The following CACNB3 variants were observed in gnomAD, a reference collection of about 807,000 sequenced individuals.
CACNB3 encodes the protein calcium voltage-gated channel auxiliary subunit beta 3, also known as voltage-dependent L-type calcium channel subunit beta-3.
In CACNB3, 36 loss-of-function variants were observed where a neutral mutation model predicts 63.7. The ratio of observed to expected loss-of-function variants is 0.57; its 90% CI spans 0.43 to 0.75. The LOEUF (loss-of-function observed/expected upper bound fraction) is 0.75. CACNB3 is among the 30% of genes least tolerant of loss of function. CACNB3 has a pLI of 0.00. For missense variants in CACNB3, 493 were observed against 648.6 expected (o/e 0.76, Z 2.61); for synonymous variants, 241 against 250.6 (o/e 0.96, Z 0.36).
In CACNB3 at chr12:48,827,845, C is replaced by A. The variant is rs761878644; in HGVS notation, c.1401C>A (p.Asn467Lys). Residue 467 changes from asparagine (N) to lysine (K), a missense_variant, in exon 13 of 13, where the codon AAC becomes AAA. By Grantham distance (94) the Asn-to-Lys change is moderately conservative. Transcript: ENST00000301050. ...TTCTAGCCCAGGACTCAGAGCACAA[C>A]CACAGTGACCGGAACTGGCAGCGCA... The part of the protein sequence containing the change: ...DRLLAQDSEH[N>K]HSDRNWQRNR... 1.4e-5 allele frequency: 22 copies of A among 1,614,012 alleles called. No individual in the cohort carries two copies. Among genetic ancestry groups the A allele is most frequent in the Non-Finnish European group, 1.7e-5 (20 of 1,180,012 alleles).
At chr12:48,824,447 A>G in intron 4 of CACNB3, 74 bp downstream of exon 4, 1 of 1,326,938 alleles carries the variant, frequency 7.5e-7, no homozygotes, top group Non-Finnish European at 1.0e-6. Flanking sequence ...GTCACCATGC[A>G]TGCCATACAC....
rs771892917 is a variant in CACNB3, at chr12:48,824,819, GGGAA to G, written c.472+89_472+92del. ...GGGATCCTGCCCAAGTGAACTGTGT[GGGAA>G]GGGTTTGTGGAGGGATTGGAAGGGG... is the stretch of plus-strand genomic sequence containing the variant. On this transcript the variant is annotated intron_variant, in intron 5 of 12. Transcript: ENST00000301050. 1.0e-4 allele frequency: 161 copies of G among 1,541,724 alleles called. 1 individual carries two copies. Among genetic ancestry groups the G allele is most frequent in the Non-Finnish European group, 1.4e-4 (151 of 1,115,140 alleles).
chr12:48,822,042 T>G (rs2137450876), intron 1 of CACNB3, among the ~76,000 whole-genome samples: 1 of 152,294 alleles, frequency 6.6e-6, no homozygotes, highest in African/African-American at 2.4e-5. Flanking sequence ...TGGCCTCTGC[T>G]GCCTTCCGTA....
At chr12:48,814,700 C>T, upstream of CACNB3, 8 of 877,710 alleles carry the variant, frequency 9.1e-6, no homozygotes, top group East Asian at 3.0e-5. This position sits in a 1 kb window ranked among gnomAD's most constrained non-coding sequence, Gnocchi z 6.9. Flanking sequence ...GAGAGGGGTT[C>T]GTCCTGGGCT....
At position 48,818,632 on chromosome 12, in the gene CACNB3, G is replaced by C; in HGVS notation, c.-298G>C. On this transcript the variant is annotated 5_prime_UTR_variant, in exon 1 of 13. Coordinates refer to ENST00000301050, the MANE Select transcript of CACNB3 (RefSeq NM_000725.4). The surrounding 1 kb of genome is among the most constrained non-coding windows in gnomAD (Gnocchi z 4.3). ...CCCCTCGCCGCCCCCGCCTTCTCCC[G>C]GGGAGGGGGTCAGGTGGGCGGGCAC... The C allele has an allele frequency of 1.8e-6, 2 of 1,121,598 alleles. No individual in the cohort carries two copies. Among genetic ancestry groups the C allele is most frequent in the Non-Finnish European group, 2.2e-6 (2 of 918,108 alleles). The allele number at this position is 1,121,598 out of a possible 1,614,324, so 69.5% of individuals were successfully genotyped here. A position where few individuals can be genotyped will look rare whatever the true frequency, so the allele number is the denominator to read the frequency against.
intron 1 of CACNB3, chr12:48,819,743 G>A (rs1053196122): frequency 2.5e-5 from 11 of 437,484 alleles, no homozygotes; most frequent in African/African-American, 2.0e-4. Context: ...GAGAGGAAGC[G>A]CTTTGCTCAG....
Position 48,823,992 on chromosome 12 carries a change from C to A in CACNB3, c.291+189C>A. The A allele has an allele frequency of 1.3e-6, 1 of 768,798 alleles. No homozygotes were observed. Among genetic ancestry groups the A allele is most frequent in the Non-Finnish European group, 2.1e-6 (1 of 486,312 alleles). The allele number at this position is 768,798 out of a possible 1,614,324, so 47.6% of individuals were successfully genotyped here. On this transcript the variant is annotated intron_variant, in intron 3 of 12. Transcript: ENST00000301050. The surrounding 1 kb of genome is among the most constrained non-coding windows in gnomAD (Gnocchi z 4.2). ...GGGTCTCCATCCTTCTGAGACCTGG[C>A]TTGGGCATCAGTCTCCATGTCTGTC...
chr12:48,815,228 G>A (rs1459214689), upstream of CACNB3: 1 of 189,704 alleles, frequency 5.3e-6, no homozygotes, highest in East Asian at 1.4e-4. Context: ...TCAGGAGCTG[G>A]GGCAGCCCTG....
Position 48,818,764 on chromosome 12 carries a change from TG to T in CACNB3, c.-164del. The T allele has an allele frequency of 7.5e-7, 1 of 1,342,058 alleles. No homozygotes were observed. Among genetic ancestry groups the T allele is most frequent in the South Asian group, 1.9e-5 (1 of 52,554 alleles). The allele number at this position is 1,342,058 out of a possible 1,614,324, so 83.1% of individuals were successfully genotyped here. A position where few individuals can be genotyped will look rare whatever the true frequency, so the allele number is the denominator to read the frequency against. On this transcript the variant is annotated 5_prime_UTR_variant, in exon 1 of 13. Coordinates refer to ENST00000301050, the MANE Select transcript of CACNB3 (RefSeq NM_000725.4). This position sits in a 1 kb window ranked among gnomAD's most constrained non-coding sequence, Gnocchi z 4.3. ...AGCGGTGATCTGAGCTCCGAGCAGC[TG>T]GTCTTCGCGGCTCGCTCCCTCCTTC...
chr12:48,815,950 G>A (rs1942278651), upstream of CACNB3, among the ~76,000 whole-genome samples: 1 of 152,130 alleles, frequency 6.6e-6, no homozygotes, highest in African/African-American at 2.4e-5. Context: ...TTGGATGAGA[G>A]GAGAGGACTG....
chr12:48,814,765 GCCTGCTGGCAGGGCCGGAC>G (rs1942245415), upstream of CACNB3: 9 of 473,700 alleles, frequency 1.9e-5, no homozygotes, highest in South Asian at 3.7e-4. The surrounding 1 kb of genome is among the most constrained non-coding windows in gnomAD (Gnocchi z 6.9). Context: ...GGGCAGCGCC[GCCTGCTGGCAGGGCCGGAC>G]CCTGCGGCCC....
intron 1 of CACNB3, chr12:48,819,631 C>T (rs2035471347): frequency 4.4e-6 from 2 of 453,180 alleles, no homozygotes; most frequent in Non-Finnish European, 8.9e-6. Context: ...CCATCTATTC[C>T]ACAGCCCCCT....
rs771528511 is a variant in CACNB3 at position 48,825,758 on chromosome 12, G to C, written c.731G>C (p.Arg244Pro). The C allele has an allele frequency of 6.2e-7, 1 of 1,612,700 alleles. No homozygotes were observed. Among genetic ancestry groups the C allele is most frequent in the Non-Finnish European group, 8.5e-7 (1 of 1,178,974 alleles). ...KRTIIERSSA[R>P]SSIAEVQSEI... ...ACCATCATTGAGCGCTCCTCTGCCC[G>C]CTCCAGCATTGGTGAGAAGTCCCCA... The change falls in exon 9 of 13, where the codon CGC (arginine) becomes CCC (proline). Residue 244 changes from arginine to proline, a missense_variant. Transcript: ENST00000301050. This position sits in a 1 kb window ranked among gnomAD's most constrained non-coding sequence, Gnocchi z 4.5.
Position 48,823,743 on chromosome 12 carries a change from G to A in CACNB3, c.231G>A (p.Glu77=), listed in dbSNP as rs376386774. Residue 77 remains glutamate (E), a synonymous_variant, in exon 3 of 13, where the codon GAG becomes GAA. Coordinates refer to ENST00000301050, the MANE Select transcript of CACNB3 (RefSeq NM_000725.4). This position sits in a 1 kb window ranked among gnomAD's most constrained non-coding sequence, Gnocchi z 4.2. ...NVSYCGVLDE[E]CPVQGSGVNF... is the part of the protein sequence containing the mutation. ...GCTACTGTGGCGTACTGGATGAGGA[G>A]TGCCCAGTCCAGGGCTCTGGAGTCA... The A allele has an allele frequency of 2.5e-6, 4 of 1,614,034 alleles. No homozygotes were observed. The African/African-American group carries it at 5.3e-5, about 22-fold the overall frequency.
At chr12:48,827,372 TC>T (rs1263806393) in intron 12 of CACNB3, among the ~76,000 whole-genome samples, 2 of 152,158 alleles carry the variant, frequency 1.3e-5, no homozygotes, top group Admixed American at 1.3e-4. Context: ...CCAAACCTTC[TC>T]CCAGGCTGCC....
In CACNB3 at chr12:48,818,862, G is replaced by A; in HGVS notation, c.-68G>A. ...TGGCATCTCCCGGGCGCGGCCCGCA[G>A]TCCTTGCCCCTGCCTCCGGGCCGCT... is the stretch of plus-strand genomic sequence containing the variant. On this transcript the variant is annotated 5_prime_UTR_variant, in exon 1 of 13. Transcript: ENST00000301050. This position sits in a 1 kb window ranked among gnomAD's most constrained non-coding sequence, Gnocchi z 4.3. 6.6e-7 allele frequency: 1 copy of A among 1,525,044 alleles called. No homozygotes were observed. Among genetic ancestry groups the A allele is most frequent in the Non-Finnish European group, 8.8e-7 (1 of 1,135,014 alleles). 94.5% of individuals were successfully genotyped at this position (1,525,044 alleles called of 1,614,324 possible).
chr12:48,817,489 G>A (rs1406997270), upstream of CACNB3, among the ~76,000 whole-genome samples: 2 of 152,112 alleles, frequency 1.3e-5, no homozygotes, highest in Non-Finnish European at 2.9e-5. Flanking sequence ...CCCTGTCTAC[G>A]CACATCCTCC....
chr12:48,825,413 C>T lies in CACNB3; in HGVS notation c.574-21C>T. On this transcript the variant is annotated intron_variant, in intron 7 of 12. Transcript: ENST00000301050. This position sits in a 1 kb window ranked among gnomAD's most constrained non-coding sequence, Gnocchi z 4.5. ...GCTTCTCTCCAAAGGGGCCCTTCAT[C>T]AGTGCCATGCCTTCCCCCAGGTCAC... is the stretch of plus-strand genomic sequence containing the variant. 6.2e-7 allele frequency: 1 copy of T among 1,613,708 alleles called. No homozygotes were observed. The highest frequency in any genetic ancestry group is 8.5e-7 in the Non-Finnish European group (1 of 1,179,598).
In CACNB3 at chr12:48,826,865, G is replaced by C; in HGVS notation, c.990+11G>C. Reference sequence around the variant, plus strand: ...GTTCAGTGCCCACCGGTGAGTGCCTGGGTCAGCTGCTCCTGTGCCCACTCC... The same window carrying C: ...GTTCAGTGCCCACCGGTGAGTGCCTCGGTCAGCTGCTCCTGTGCCCACTCC... On this transcript the variant is annotated intron_variant, in intron 11 of 12. Coordinates refer to ENST00000301050, the MANE Select transcript of CACNB3 (RefSeq NM_000725.4). This position sits in a 1 kb window ranked among gnomAD's most constrained non-coding sequence, Gnocchi z 4.8. The C allele has an allele frequency of 6.2e-7, 1 of 1,613,290 alleles. No individual in the cohort carries two copies. The highest frequency in any genetic ancestry group is 8.5e-7 in the Non-Finnish European group (1 of 1,179,240).
Sources: gnomAD v4.1 joint callset for allele counts (sites outside exome capture counted in the v4.1 genomes callset) on GRCh38, gnomAD v4.1.1 for gene constraint, Gnocchi (gnomAD v3.1) non-coding constraint, MANE v1.5 for transcripts, NCBI Gene and HGNC (gene_info 2026-07-23, HGNC 2026-07-21) for gene names.